RBFOX1: variants seen among roughly 807,000 people sequenced by gnomAD.
RBFOX1 encodes the protein RNA binding fox-1 homolog 1, also known as RNA binding protein fox-1 homolog 1.
RBFOX1 carries 8 observed loss-of-function variants against 57.7 expected under a neutral mutation model. The ratio of observed to expected loss-of-function variants is 0.14; its 90% confidence interval spans 0.08 to 0.25. The LOEUF is 0.25. Among genes scored for constraint, RBFOX1 ranks in the 10% least tolerant of loss-of-function variants. RBFOX1 has a pLI of 1.00. For synonymous variants in RBFOX1, 326 were observed against 222.4 expected (o/e 1.47, Z -4.15); for missense variants, 611 against 548.5 (o/e 1.11, Z -1.14).
At chr16:5,578,971 C>G (rs190349688) in intron 2 of RBFOX1, among the ~76,000 whole-genome samples, 2 of 150,936 alleles carry the variant, frequency 1.3e-5, no homozygotes, top group East Asian at 3.9e-4. Context: ...CCTCAGCCTT[C>G]TGAGTAGCTG....
intron 4 of RBFOX1, among the ~76,000 whole-genome samples, chr16:5,962,239 C>T (rs2059764350): frequency 6.6e-6 from 1 of 152,182 alleles, no homozygotes; most frequent in Admixed American, 6.5e-5. Flanking sequence ...TGGCAAGATC[C>T]ACTTCTCATC....
chr16:7,585,742 A>G (rs531889205), intron 6 of RBFOX1, among the ~76,000 whole-genome samples: 45 of 152,186 alleles, frequency 3.0e-4, no homozygotes, highest in Non-Finnish European at 5.7e-4. Context: ...TTCTTTGTCC[A>G]TTCCAGAGGA....
chr16:6,450,767 G>GTATATATA (rs371495786), intron 2 of RBFOX1, among the ~76,000 whole-genome samples: 5 of 34,136 alleles, frequency 1.5e-4, no homozygotes, highest in African/African-American at 6.6e-4. Flanking sequence ...ATATATATGT[G>GTATATATA]TATATATATA....
At chr16:7,463,505 A>G (rs1351203959) in intron 4 of RBFOX1, among the ~76,000 whole-genome samples, 2 of 152,066 alleles carry the variant, frequency 1.3e-5, no homozygotes, top group African/African-American at 4.8e-5. Context: ...CTTGGTCTCA[A>G]AAAAACAAAA....
intron 14 of RBFOX1, among the ~76,000 whole-genome samples, chr16:7,678,641 G>C (rs1340084200): frequency 6.6e-6 from 1 of 151,990 alleles, no homozygotes; most frequent in Admixed American, 6.6e-5. Flanking sequence ...AGATTACAAA[G>C]ATATGATTTA....
chr16:7,640,276 T>A (rs1352648768), intron 11 of RBFOX1, among the ~76,000 whole-genome samples: 2 of 152,188 alleles, frequency 1.3e-5, no homozygotes, highest in Non-Finnish European at 2.9e-5. Context: ...TCACCCCCAG[T>A]TGTTTAAAGG....
At chr16:5,293,354 C>T (rs1031488585) in intron 1 of RBFOX1, among the ~76,000 whole-genome samples, 5 of 152,126 alleles carry the variant, frequency 3.3e-5, no homozygotes, top group Admixed American at 1.3e-4. Context: ...CACACCTCAT[C>T]CCCACCTCTG....
chr16:5,687,243 G>C (rs2050532069), intron 3 of RBFOX1, among the ~76,000 whole-genome samples: 1 of 152,172 alleles, frequency 6.6e-6, no homozygotes. Flanking sequence ...TGGAACAGTA[G>C]GAGGAAAACC....
chr16:6,460,657 A>C (rs1200538950), intron 2 of RBFOX1, among the ~76,000 whole-genome samples: 1 of 152,214 alleles, frequency 6.6e-6, no homozygotes. Context: ...GGGAATGTAA[A>C]TTCATTCAAC....
intron 4 of RBFOX1, among the ~76,000 whole-genome samples, chr16:7,317,873 G>A (rs1455726648): frequency 6.6e-6 from 1 of 152,194 alleles, no homozygotes; most frequent in East Asian, 1.9e-4. Context: ...TTAGGAGTAT[G>A]GCACGAGCTA....
chr16:5,646,656 A>G (rs1036370316), intron 3 of RBFOX1, among the ~76,000 whole-genome samples: 1 of 151,768 alleles, frequency 6.6e-6, no homozygotes, highest in East Asian at 1.9e-4. Flanking sequence ...TTTTTTTGAG[A>G]TGGAGTCTCG....
At chr16:7,363,702 C>T (rs917258652) in intron 4 of RBFOX1, among the ~76,000 whole-genome samples, 1 of 152,112 alleles carries the variant, frequency 6.6e-6, no homozygotes, top group African/African-American at 2.4e-5. Context: ...TGTTGGAGGA[C>T]AAAACCTTTT....
intron 3 of RBFOX1, among the ~76,000 whole-genome samples, chr16:7,015,490 T>C (rs1170575910): frequency 6.6e-6 from 1 of 152,160 alleles, no homozygotes; most frequent in Non-Finnish European, 1.5e-5. Flanking sequence ...AGACAGAGGC[T>C]GGGGAGAGGA....
At chr16:6,617,578 T>G (rs2098162278) in intron 2 of RBFOX1, among the ~76,000 whole-genome samples, 1 of 152,068 alleles carries the variant, frequency 6.6e-6, no homozygotes, top group South Asian at 2.1e-4. Flanking sequence ...GGACCTTTCC[T>G]CCTACCACTT....
At chr16:7,531,052 C>G (rs528705787) in intron 5 of RBFOX1, among the ~76,000 whole-genome samples, 8 of 152,296 alleles carry the variant, frequency 5.3e-5, no homozygotes, top group African/African-American at 1.9e-4. Context: ...CCACTCAAAA[C>G]AAACCAGACC....
intron 4 of RBFOX1, among the ~76,000 whole-genome samples, chr16:5,907,598 C>T (rs1367209197): frequency 3.3e-5 from 5 of 152,104 alleles, no homozygotes; most frequent in Non-Finnish European, 7.3e-5. Flanking sequence ...CATAAGTACT[C>T]ATTTAAGTCT....
chr16:6,416,398 GC>G (rs2093625420), intron 2 of RBFOX1, among the ~76,000 whole-genome samples: 1 of 152,136 alleles, frequency 6.6e-6, no homozygotes, highest in African/African-American at 2.4e-5. Flanking sequence ...TGGGGAAATG[GC>G]CACAATGATG....
intron 3 of RBFOX1, among the ~76,000 whole-genome samples, chr16:6,798,551 C>T (rs1417721759): frequency 2.0e-5 from 3 of 152,170 alleles, no homozygotes; most frequent in Non-Finnish European, 4.4e-5. Flanking sequence ...CCAATTCTAA[C>T]TGCAGCCATG....
intron 3 of RBFOX1, among the ~76,000 whole-genome samples, chr16:5,762,745 C>T (rs752197328): frequency 6.6e-6 from 1 of 152,098 alleles, no homozygotes; most frequent in Non-Finnish European, 1.5e-5. Context: ...CCTTTGCAGC[C>T]ATTAAATATG....
Sources: gnomAD v4.1 joint callset for allele counts (sites outside exome capture counted in the v4.1 genomes callset) on GRCh38, gnomAD v4.1.1 for gene constraint, MANE v1.5 for transcripts, NCBI Gene and HGNC (gene_info 2026-07-23, HGNC 2026-07-21) for gene names.